Variants in ZNF438 observed in about 807,000 individuals in gnomAD.
The protein encoded by ZNF438 is zinc finger protein 438.
ZNF438 carries 25 observed loss-of-function variants against 38.0 expected under a neutral mutation model. The ratio of observed to expected loss-of-function variants is 0.66; its 90% CI spans 0.48 to 0.92. The LOEUF (loss-of-function observed/expected upper bound fraction) is 0.92, where lower values mean the gene tolerates loss of function less well. Among genes scored for constraint, ZNF438 ranks in the 40% least tolerant of loss-of-function variants. The pLI is 0.00. For synonymous variants in ZNF438, 372 were observed against 364.1 expected (o/e 1.02, Z -0.25); for missense variants, 1,007 against 999.6 (o/e 1.01, Z -0.10).
intron 1 of ZNF438, among the ~76,000 whole-genome samples, chr10:30,979,858 CCTT>C (rs1451410724): frequency 2.0e-5 from 3 of 152,166 alleles, no homozygotes; most frequent in Non-Finnish European, 4.4e-5. Flanking sequence ...TAAATCCAGT[CCTT>C]CTTATTCTTG....
intron 1 of ZNF438, among the ~76,000 whole-genome samples, chr10:31,001,654 A>G (rs1234453939): frequency 6.6e-6 from 1 of 152,250 alleles, no homozygotes; most frequent in Non-Finnish European, 1.5e-5. Flanking sequence ...AAATTACACT[A>G]AACATATCAT....
chr10:30,965,546 G>A (rs2050017047), intron 1 of ZNF438, among the ~76,000 whole-genome samples: 1 of 151,910 alleles, frequency 6.6e-6, no homozygotes, highest in South Asian at 2.1e-4. Flanking sequence ...AAGAAAACGT[G>A]GTATATATAC....
intron 4 of ZNF438, among the ~76,000 whole-genome samples, chr10:30,863,904 C>G (rs927598955): frequency 3.9e-5 from 6 of 152,208 alleles, no homozygotes; most frequent in Non-Finnish European, 7.3e-5. Flanking sequence ...GAACGCTGGA[C>G]AGTGTTCTAA....
At chr10:30,971,264 TAC>T (rs1348975286) in intron 1 of ZNF438, among the ~76,000 whole-genome samples, 1 of 152,212 alleles carries the variant, frequency 6.6e-6, no homozygotes, top group African/African-American at 2.4e-5. Context: ...TCATAGTAAC[TAC>T]GCAGTAAGTG....
At chr10:30,874,112 GTGTATATATATATATATATATA>G (rs2037985332) in intron 4 of ZNF438, among the ~76,000 whole-genome samples, 2 of 36,074 alleles carry the variant, frequency 5.5e-5, no homozygotes, top group African/African-American at 8.3e-5. Flanking sequence ...GGGTGTGTGT[GTGTATATATATATATATATATA>G]TATATATATA....
At position 30,849,193 on chromosome 10, in the gene ZNF438, GA is replaced by G. The variant is rs760923787; in HGVS notation, c.1211del (p.Ile404ThrfsTer12). 6.2e-7 allele frequency: 1 copy of G among 1,613,970 alleles called. No individual in the cohort carries two copies. Among genetic ancestry groups the G allele is most frequent in the South Asian group, 1.1e-5 (1 of 91,078 alleles). On this transcript the variant is annotated frameshift_variant, in exon 5 of 6. Coordinates refer to ENST00000413025, the Ensembl canonical transcript of ZNF438. LOFTEE classifies it high-confidence loss of function. ...CTTTACCATCTCTACACTTATTAATGATATATTTCCTCCTTTTTCCCTGAAA... is the reference window on the plus strand; with the variant it reads ...CTTTACCATCTCTACACTTATTAATGTATATTTCCTCCTTTTTCCCTGAAA...
intron 1 of ZNF438, among the ~76,000 whole-genome samples, chr10:30,987,502 T>C (rs992219833): frequency 3.3e-5 from 5 of 152,070 alleles, no homozygotes; most frequent in African/African-American, 4.8e-5. Context: ...TCAAAGTCAG[T>C]TGAAAATAGC....
At chr10:30,931,581 C>T (rs573623554) in intron 2 of ZNF438, among the ~76,000 whole-genome samples, 18 of 152,142 alleles carry the variant, frequency 1.2e-4, no homozygotes, top group Non-Finnish European at 2.1e-4. Context: ...GTCCCTTTCA[C>T]CATTTAGGTC....
intron 1 of ZNF438, among the ~76,000 whole-genome samples, chr10:31,005,868 T>G (rs2132939419): frequency 6.6e-6 from 1 of 152,366 alleles, no homozygotes; most frequent in East Asian, 1.9e-4. Flanking sequence ...GTGAAAGATA[T>G]GCATATATGA....
intron 5 of ZNF438, among the ~76,000 whole-genome samples, chr10:30,845,843 C>T (rs533256791): frequency 2.6e-5 from 4 of 152,168 alleles, no homozygotes; most frequent in African/African-American, 7.2e-5. Context: ...CGAGCTAACT[C>T]GTCTTTGGTT....
intron 4 of ZNF438, among the ~76,000 whole-genome samples, chr10:30,863,520 G>A (rs926101291): frequency 9.2e-5 from 14 of 152,186 alleles, no homozygotes; most frequent in African/African-American, 3.4e-4. Flanking sequence ...TTTGAATTCT[G>A]CCATCCTTCT....
At position 30,896,764 on chromosome 10, in the gene ZNF438, C is replaced by T. The variant is rs903509266; in HGVS notation, c.-32+12169G>A. On this transcript the variant is annotated intron_variant, in intron 3 of 5. Coordinates refer to ENST00000413025, the Ensembl canonical transcript of ZNF438. ...TGAAAAATTCTAGAGTTTGGCTGCA[C>T]GACAATGTGAATGTAATTAACACTA... 8.6e-5 allele frequency among the ~76,000 whole-genome samples: 13 copies of T among 151,798 alleles called. No individual in the cohort carries two copies. In the East Asian group the frequency reaches 1.7e-3, roughly 20 times the overall value.
chr10:30,880,467 AC>A (rs1426582613), intron 3 of ZNF438, among the ~76,000 whole-genome samples: 1 of 151,702 alleles, frequency 6.6e-6, no homozygotes, highest in Non-Finnish European at 1.5e-5. Flanking sequence ...AAAAACAAAA[AC>A]AAAAATAATG....
chr10:30,940,815 A>G (rs142356386), intron 2 of ZNF438, among the ~76,000 whole-genome samples: 2,016 of 152,316 alleles, frequency 0.013, 19 homozygotes, highest in Non-Finnish European at 0.019. Context: ...TTTTTACACA[A>G]ACAGTTAATA....
intron 1 of ZNF438, among the ~76,000 whole-genome samples, chr10:30,949,711 T>C (rs1342293136): frequency 6.6e-6 from 1 of 151,918 alleles, no homozygotes; most frequent in Admixed American, 6.6e-5. Flanking sequence ...CCTAAATATA[T>C]ATGCACCCAA....
At chr10:31,016,953 T>G (rs189567408) in intron 1 of ZNF438, among the ~76,000 whole-genome samples, 76 of 152,286 alleles carry the variant, frequency 5.0e-4, no homozygotes, top group African/African-American at 1.7e-3. Context: ...AAGGTCTAGG[T>G]CTCTGGGCAA....
intron 1 of ZNF438, among the ~76,000 whole-genome samples, chr10:31,029,042 A>T (rs912078111): frequency 6.6e-6 from 1 of 152,206 alleles, no homozygotes; most frequent in African/African-American, 2.4e-5. Flanking sequence ...TGAGTTCCAT[A>T]TTCACAGGCA....
intron 4 of ZNF438, among the ~76,000 whole-genome samples, chr10:30,875,114 C>T (rs1376242923): frequency 6.6e-6 from 1 of 152,078 alleles, no homozygotes; most frequent in African/African-American, 2.4e-5. Context: ...CCAGAAAAGA[C>T]TGGGTAAGGA....
chr10:30,947,687 T>C (rs377173346), intron 1 of ZNF438, among the ~76,000 whole-genome samples: 12,059 of 151,050 alleles, frequency 0.08, 566 homozygotes, highest in Non-Finnish European at 0.11. Flanking sequence ...ACTCCGTGGG[T>C]GTAGGACCCT....
Sources: gnomAD v4.1 joint callset for allele counts (sites outside exome capture counted in the v4.1 genomes callset) on GRCh38, gnomAD v4.1.1 for gene constraint, MANE v1.5 for transcripts, NCBI Gene and HGNC (gene_info 2026-07-23, HGNC 2026-07-21) for gene names.